The following FRAS1 variants were observed in gnomAD, a reference collection of about 807,000 sequenced individuals.
The protein encoded by FRAS1 is extracellular matrix organizing protein FRAS1.
A neutral mutation model predicts 435.2 loss-of-function variants in FRAS1; 290 were observed. The ratio of observed to expected loss-of-function variants is 0.67; its 90% confidence interval spans 0.61 to 0.73. The LOEUF (loss-of-function observed/expected upper bound fraction) is 0.73. Among genes scored for constraint, FRAS1 ranks in the 30% least tolerant of loss-of-function variants. FRAS1 has a pLI of 0.00. For missense variants in FRAS1, 4,860 were observed against 5,001.5 expected (o/e 0.97, Z 0.85); for synonymous variants, 1,800 against 1,851.0 (o/e 0.97, Z 0.71).
At chr4:78,280,639 A>G (rs952080725) in intron 10 of FRAS1, among the ~76,000 whole-genome samples, 2 of 143,430 alleles carry the variant, frequency 1.4e-5, no homozygotes, top group African/African-American at 5.2e-5. Flanking sequence ...GTGTTTCTGT[A>G]CATTCTGGGG....
chr4:78,209,816 C>T (rs1723426961), intron 2 of FRAS1, among the ~76,000 whole-genome samples: 2 of 152,124 alleles, frequency 1.3e-5, no homozygotes, highest in South Asian at 4.1e-4. Context: ...GTATTTGATC[C>T]CAAGTAAATC....
chr4:78,257,640 T>G (rs1436432582), intron 6 of FRAS1, among the ~76,000 whole-genome samples: 1 of 152,214 alleles, frequency 6.6e-6, no homozygotes, highest in African/African-American at 2.4e-5. Flanking sequence ...ATCACCCATA[T>G]TTCCACCATT....
At chr4:78,441,782 T>G (rs1734669660) in intron 41 of FRAS1, among the ~76,000 whole-genome samples, 1 of 152,206 alleles carries the variant, frequency 6.6e-6, no homozygotes, top group South Asian at 2.1e-4. Flanking sequence ...GAACCATAGC[T>G]TCTGTCTCAG....
At chr4:78,475,664 G>A in intron 54 of FRAS1, 58 bp downstream of exon 54, 4 of 1,443,966 alleles carry the variant, frequency 2.8e-6, no homozygotes, top group South Asian at 1.6e-5. Context: ...ATGGCTGCAA[G>A]CAATTGTGGC....
At chr4:78,140,717 G>A (rs1260152535) in intron 2 of FRAS1, among the ~76,000 whole-genome samples, 9 of 144,536 alleles carry the variant, frequency 6.2e-5, no homozygotes, top group African/African-American at 2.5e-4. Context: ...ATACGTGTGT[G>A]TATATGTATA....
At position 78,541,274 on chromosome 4, in the gene FRAS1, G is replaced by A; in HGVS notation, c.*150G>A. On this transcript the variant is annotated 3_prime_UTR_variant, in exon 74 of 74. Transcript: ENST00000512123. ...ATCACATGCATCAACTCACAACTGA[G>A]CTACCTCATTCAGCAAAGAACCACT... 1 of 442,258 alleles carries A rather than the reference G, an allele frequency of 2.3e-6. No individual in the cohort carries two copies. The highest frequency in any genetic ancestry group is 3.9e-6 in the Non-Finnish European group (1 of 258,130). 27.4% of individuals were successfully genotyped at this position (442,258 alleles called of 1,614,324 possible).
chr4:78,061,326 A>T (rs1739751085), intron 1 of FRAS1, among the ~76,000 whole-genome samples: 1 of 152,226 alleles, frequency 6.6e-6, no homozygotes, highest in Non-Finnish European at 1.5e-5. Context: ...TTTCTGAATC[A>T]CAGAAACTCT....
In FRAS1 at chr4:78,475,458, C is replaced by T. The variant is rs891468503; in HGVS notation, c.7703C>T (p.Ala2568Val). 8.1e-6 allele frequency: 13 copies of T among 1,613,792 alleles called. No homozygotes were observed. The highest frequency in any genetic ancestry group is 1.1e-5 in the Non-Finnish European group (13 of 1,179,844). Residue 2568 changes from alanine to valine, a missense_variant, in exon 54 of 74, where the codon GCA (alanine) becomes GTA (valine). Ala to Val is a moderately conservative substitution (Grantham distance 64). Coordinates refer to ENST00000512123, the MANE Select transcript of FRAS1 (RefSeq NM_025074.7). ...TCCAGCTACAATGTCAGTGAGAAGGCAGGGTCTGTCAGTGTCACGGTGCAG... is the reference window on the plus strand; with the variant it reads ...TCCAGCTACAATGTCAGTGAGAAGGTAGGGTCTGTCAGTGTCACGGTGCAG... ...KYTSYNVSEK[A>V]GSVSVTVQRT...
chr4:78,208,389 T>C (rs1452072941), intron 2 of FRAS1, among the ~76,000 whole-genome samples: 6 of 152,154 alleles, frequency 3.9e-5, no homozygotes, highest in Admixed American at 3.9e-4. Context: ...CAAGGTGCTT[T>C]AACACCCCCG....
intron 2 of FRAS1, among the ~76,000 whole-genome samples, chr4:78,197,097 G>C (rs1184162884): frequency 6.6e-6 from 1 of 152,158 alleles, no homozygotes; most frequent in Non-Finnish European, 1.5e-5. Flanking sequence ...TCATCCTTTT[G>C]CTTGTACAGG....
intron 18 of FRAS1, among the ~76,000 whole-genome samples, chr4:78,324,708 CTTTTTTTTTT>C (rs139942839): frequency 1.4e-4 from 12 of 88,094 alleles, no homozygotes; most frequent in South Asian, 1.2e-3. Flanking sequence ...GCTCAGATTC[CTTTTTTTTTT>C]TTTTTTTTTT....
At chr4:78,368,663 C>T (rs980620683) in intron 22 of FRAS1, among the ~76,000 whole-genome samples, 5 of 152,074 alleles carry the variant, frequency 3.3e-5, no homozygotes, top group African/African-American at 7.2e-5. Flanking sequence ...CAAATAATCA[C>T]TCAAATGGAA....
intron 33 of FRAS1, 49 bp downstream of exon 33, chr4:78,419,112 T>C: frequency 9.3e-7 from 1 of 1,074,078 alleles, no homozygotes; most frequent in Non-Finnish European, 1.3e-6. Flanking sequence ...TATCTTCTAG[T>C]TTTTTACCAG....
chr4:78,341,864 G>A (rs1363252242), intron 20 of FRAS1, among the ~76,000 whole-genome samples: 1 of 152,012 alleles, frequency 6.6e-6, no homozygotes. Flanking sequence ...GAGGTTAAAC[G>A]TATAAATTGA....
intron 40 of FRAS1, among the ~76,000 whole-genome samples, chr4:78,439,601 T>C (rs1734573811): frequency 1.3e-5 from 2 of 152,192 alleles, no homozygotes; most frequent in Non-Finnish European, 2.9e-5. Flanking sequence ...AGCTTCCTTG[T>C]CTTTTATATT....
In FRAS1 at chr4:78,519,627, G is replaced by T. The variant is rs1248445647; in HGVS notation, c.10540+146G>T. The T allele has an allele frequency of 2.2e-5, 20 of 912,044 alleles. No individual in the cohort carries two copies. In the East Asian group the frequency reaches 4.3e-4, roughly 20 times the overall value. The allele number at this position is 912,044 out of a possible 1,614,324, so 56.5% of individuals were successfully genotyped here. Reference sequence around the variant, plus strand: ...TGGGGCCACCTCAAAGTGCAGATCTGTGGTTCCTGAAAAGAATGATGTCCT... The same window carrying T: ...TGGGGCCACCTCAAAGTGCAGATCTTTGGTTCCTGAAAAGAATGATGTCCT... On this transcript the variant is annotated intron_variant, in intron 67 of 73. Coordinates refer to ENST00000512123, the MANE Select transcript of FRAS1 (RefSeq NM_025074.7).
chr4:78,262,763 C>T (rs1560611604), intron 6 of FRAS1, among the ~76,000 whole-genome samples: 1 of 152,150 alleles, frequency 6.6e-6, no homozygotes, highest in Non-Finnish European at 1.5e-5. Flanking sequence ...GATAGTCCTA[C>T]CCCAAATTGT....
chr4:78,187,804 C>T lies in FRAS1; in HGVS notation c.109-49706C>T, dbSNP rs576435817. 6.1e-4 allele frequency among the ~76,000 whole-genome samples: 93 copies of T among 152,162 alleles called. 1 individual carries two copies. The highest frequency in any genetic ancestry group is 2.0e-3 in the African/African-American group (81 of 41,512). ...ATTTTTAGTAGAGACAGAGTTTCAC[C>T]GTGTTAGCCAGGATGGTCTTGATCT... is the stretch of plus-strand genomic sequence containing the variant. On this transcript the variant is annotated intron_variant, in intron 2 of 73. Transcript: ENST00000512123.
intron 63 of FRAS1, among the ~76,000 whole-genome samples, chr4:78,510,516 A>C (rs183435793): frequency 3.4e-4 from 52 of 152,354 alleles, no homozygotes; most frequent in African/African-American, 1.2e-3. Flanking sequence ...GGTAAAATGT[A>C]TAAGTTTGTG....
Sources: gnomAD v4.1 joint callset for allele counts (sites outside exome capture counted in the v4.1 genomes callset) on GRCh38, gnomAD v4.1.1 for gene constraint, MANE v1.5 for transcripts, NCBI Gene and HGNC (gene_info 2026-07-23, HGNC 2026-07-21) for gene names.